The following CLYBL variants were observed in gnomAD, a reference collection of about 807,000 sequenced individuals.
CLYBL encodes the protein citramalyl-CoA lyase, mitochondrial.
In CLYBL, 31 loss-of-function variants were observed where a neutral mutation model predicts 38.9. The observed-to-expected ratio is 0.80, with a 90% CI of 0.60 to 1.08. The LOEUF (loss-of-function observed/expected upper bound fraction) is 1.08, where lower values mean the gene tolerates loss of function less well. CLYBL is among the 50% of genes least tolerant of loss of function. The pLI is 0.00. For missense variants in CLYBL, 434 were observed against 411.6 expected (o/e 1.05, Z -0.47); for synonymous variants, 171 against 158.6 (o/e 1.08, Z -0.59).
chr13:99,735,508 T>A (rs75321529), intron 1 of CLYBL, among the ~76,000 whole-genome samples: 3 of 151,812 alleles, frequency 2.0e-5, no homozygotes, highest in African/African-American at 7.3e-5. Context: ...TTTTTTTTTT[T>A]AAGAGTGAAG....
At chr13:99,632,821 A>C (rs960967612) in intron 1 of CLYBL, among the ~76,000 whole-genome samples, 1 of 152,218 alleles carries the variant, frequency 6.6e-6, no homozygotes, top group African/African-American at 2.4e-5. Flanking sequence ...TAGAAGCCAA[A>C]CTCAAGATGA....
downstream of CLYBL, among the ~76,000 whole-genome samples, chr13:99,901,637 A>ATTTTTTTTTTTTTTTT (rs1413984777): frequency 1.5e-5 from 1 of 65,438 alleles, no homozygotes; most frequent in Non-Finnish European, 3.1e-5. Context: ...GGTTTTTTGG[A>ATTTTTTTTTTTTTTTT]TTTTTTTGTT....
chr13:99,804,072 C>T (rs1424880503), intron 2 of CLYBL, among the ~76,000 whole-genome samples: 2 of 152,218 alleles, frequency 1.3e-5, no homozygotes, highest in Non-Finnish European at 2.9e-5. Flanking sequence ...TCGTTCTGTG[C>T]TGCTTCAGAG....
At chr13:99,716,787 C>CTTTTTTTTTTTTTTTT (rs1260332084) in intron 1 of CLYBL, among the ~76,000 whole-genome samples, 2 of 100,918 alleles carry the variant, frequency 2.0e-5, no homozygotes, top group Non-Finnish European at 4.1e-5. Flanking sequence ...CTTTTCTTTT[C>CTTTTTTTTTTTTTTTT]TTTTTTTTTT....
chr13:99,752,405 G>T (rs7988259), intron 1 of CLYBL, among the ~76,000 whole-genome samples: 25,739 of 152,066 alleles, frequency 0.17, 3,035 homozygotes, highest in East Asian at 0.37. Context: ...CTGCCCACAG[G>T]GGGCCTGTGG....
chr13:99,739,763 C>G (rs748390175), intron 1 of CLYBL, among the ~76,000 whole-genome samples: 3 of 152,140 alleles, frequency 2.0e-5, no homozygotes, highest in Non-Finnish European at 4.4e-5. Context: ...CACCTGAGGT[C>G]GGGAGTTCCA....
intron 7 of CLYBL, among the ~76,000 whole-genome samples, chr13:99,877,439 T>G (rs1263753164): frequency 6.6e-6 from 1 of 152,160 alleles, no homozygotes; most frequent in African/African-American, 2.4e-5. Context: ...ATCTTTTTCT[T>G]TCTCACTACA....
intron 7 of CLYBL, among the ~76,000 whole-genome samples, chr13:99,876,508 C>T (rs1207171163): frequency 2.0e-5 from 3 of 149,348 alleles, no homozygotes; most frequent in African/African-American, 7.4e-5. Context: ...TAATTTATAA[C>T]ACACTCTTAA....
At chr13:99,682,065 C>A (rs1245481548) in intron 1 of CLYBL, among the ~76,000 whole-genome samples, 1 of 152,178 alleles carries the variant, frequency 6.6e-6, no homozygotes, top group Non-Finnish European at 1.5e-5. Flanking sequence ...TGGCTTATTG[C>A]CCCTCTGACA....
intron 2 of CLYBL, among the ~76,000 whole-genome samples, chr13:99,844,146 C>T (rs2051146276): frequency 6.6e-6 from 1 of 152,144 alleles, no homozygotes; most frequent in Non-Finnish European, 1.5e-5. Flanking sequence ...TTATTACAGG[C>T]TATCGGGTAA....
At chr13:99,672,202 CTTT>C (rs75680397) in intron 1 of CLYBL, among the ~76,000 whole-genome samples, 1 of 131,232 alleles carries the variant, frequency 7.6e-6, no homozygotes, top group Non-Finnish European at 1.7e-5. Flanking sequence ...TTTTTTTTTT[CTTT>C]TTTTTTTTTT....
intron 1 of CLYBL, among the ~76,000 whole-genome samples, chr13:99,734,491 C>T (rs953855091): frequency 9.2e-5 from 14 of 151,916 alleles, no homozygotes; most frequent in African/African-American, 2.9e-4. Context: ...AACTAGTAGG[C>T]GTGGCAATGA....
At chr13:99,824,263 C>CA (rs2050649173) in intron 2 of CLYBL, among the ~76,000 whole-genome samples, 1 of 125,598 alleles carries the variant, frequency 8.0e-6, no homozygotes, top group African/African-American at 2.9e-5. Flanking sequence ...AATAGCCCCC[C>CA]CCACCCACCC....
chr13:99,677,750 C>T (rs1201681944), intron 1 of CLYBL, among the ~76,000 whole-genome samples: 5 of 152,276 alleles, frequency 3.3e-5, no homozygotes, highest in African/African-American at 9.6e-5. Context: ...TGCTGAATAT[C>T]TACTCAGACA....
intron 2 of CLYBL, among the ~76,000 whole-genome samples, chr13:99,839,774 A>G (rs1221687512): frequency 6.6e-6 from 1 of 152,164 alleles, no homozygotes; most frequent in Non-Finnish European, 1.5e-5. Context: ...CAGTAATCAC[A>G]TCACGGAAAA....
At position 99,609,420 on chromosome 13, in the gene CLYBL, C is replaced by G. The variant is rs555449253; in HGVS notation, c.62+2663C>G. Among the ~76,000 whole-genome samples, 7 of 152,266 alleles carry G rather than the reference C, an allele frequency of 4.6e-5. No individual in the cohort carries two copies. The East Asian group carries it at 1.2e-3, about 25-fold the overall frequency. ...TCGATCTTCTGACCTCGTGATCCAC[C>G]TGCCTTGGCCTCCCAAAGTGCTGGG... On this transcript the variant is annotated intron_variant, in intron 1 of 8. Coordinates refer to ENST00000339105, the MANE Select transcript of CLYBL (RefSeq NM_206808.5).
intron 1 of CLYBL, among the ~76,000 whole-genome samples, chr13:99,630,187 G>A (rs2046923755): frequency 2.6e-5 from 4 of 152,156 alleles, no homozygotes; most frequent in Admixed American, 2.6e-4. Context: ...GAAGCAGCTT[G>A]GAGCATTTCT....
intron 1 of CLYBL, among the ~76,000 whole-genome samples, chr13:99,627,652 G>C (rs1056386952): frequency 6.6e-6 from 1 of 151,988 alleles, no homozygotes; most frequent in Non-Finnish European, 1.5e-5. Context: ...TTTCACACTT[G>C]GCATTTAAAA....
At chr13:99,644,808 T>C (rs2047152858) in intron 1 of CLYBL, among the ~76,000 whole-genome samples, 1 of 152,234 alleles carries the variant, frequency 6.6e-6, no homozygotes, top group South Asian at 2.1e-4. Flanking sequence ...CTTAACATAA[T>C]GTCCTCCAGT....
Sources: gnomAD v4.1 joint callset for allele counts (sites outside exome capture counted in the v4.1 genomes callset) on GRCh38, gnomAD v4.1.1 for gene constraint, MANE v1.5 for transcripts, NCBI Gene and HGNC (gene_info 2026-07-23, HGNC 2026-07-21) for gene names.